PTPRZ1: variants seen among roughly 807,000 people sequenced by gnomAD.
PTPRZ1 encodes the protein protein tyrosine phosphatase receptor type Z1.
PTPRZ1 carries 82 observed loss-of-function variants against 214.1 expected under a neutral mutation model. That is an observed-to-expected ratio of 0.38 (90% CI 0.32 to 0.46). PTPRZ1 has a LOEUF of 0.46. PTPRZ1 is among the 20% of genes least tolerant of loss of function. The pLI, the probability that PTPRZ1 is intolerant of heterozygous loss-of-function variation, is 1.00. For missense variants in PTPRZ1, 2,603 were observed against 2,748.7 expected, an observed-to-expected ratio of 0.95 and a Z score of 1.19; for synonymous variants, 945 against 987.9, an observed-to-expected ratio of 0.96 and a Z score of 0.81.
At chr7:121,883,352 G>C (rs1438807417) in intron 1 of PTPRZ1, among the ~76,000 whole-genome samples, 1 of 152,124 alleles carries the variant, frequency 6.6e-6, no homozygotes, top group African/African-American at 2.4e-5. Context: ...ATGCCAATAT[G>C]AAAACTACTT....
At chr7:122,030,204 A>G (rs1180040257) in intron 14 of PTPRZ1, among the ~76,000 whole-genome samples, 2 of 151,996 alleles carry the variant, frequency 1.3e-5, no homozygotes, top group African/African-American at 2.4e-5. Context: ...TCAGTTCTCA[A>G]AGATTCCCTC....
chr7:121,916,101 C>G (rs1304547604), intron 1 of PTPRZ1, among the ~76,000 whole-genome samples: 1 of 151,772 alleles, frequency 6.6e-6, no homozygotes, highest in African/African-American at 2.4e-5. Flanking sequence ...TGGTAAAACC[C>G]CGTCTCTACT....
chr7:122,036,767 T>C (rs1799555564), intron 18 of PTPRZ1, 85 bp downstream of exon 18: 1 of 828,842 alleles, frequency 1.2e-6, no homozygotes. Context: ...ATACATATAC[T>C]AGTGCTTAAT....
At chr7:121,921,993 T>C (rs747651460) in intron 1 of PTPRZ1, among the ~76,000 whole-genome samples, 1 of 152,180 alleles carries the variant, frequency 6.6e-6, no homozygotes, top group Non-Finnish European at 1.5e-5. Flanking sequence ...TGTATGATAA[T>C]TTAACTTCAC....
chr7:122,031,252 A>G (rs1298104911), intron 14 of PTPRZ1, among the ~76,000 whole-genome samples: 2 of 152,116 alleles, frequency 1.3e-5, no homozygotes, highest in Admixed American at 6.6e-5. Context: ...CTTTAGGTAT[A>G]GATGGAAAAG....
At chr7:121,922,213 T>G (rs1038703760) in intron 1 of PTPRZ1, among the ~76,000 whole-genome samples, 2 of 152,210 alleles carry the variant, frequency 1.3e-5, no homozygotes, top group Non-Finnish European at 2.9e-5. Flanking sequence ...CATCTGAAGA[T>G]ACAAAGTATT....
intron 1 of PTPRZ1, among the ~76,000 whole-genome samples, chr7:121,907,813 T>C (rs1795161652): frequency 2.0e-5 from 3 of 152,192 alleles, no homozygotes; most frequent in Non-Finnish European, 4.4e-5. Context: ...ACCTTTCTTT[T>C]TCAAATGTGT....
At chr7:122,046,886 C>A (rs538451315) in intron 23 of PTPRZ1, among the ~76,000 whole-genome samples, 7 of 151,916 alleles carry the variant, frequency 4.6e-5, no homozygotes, top group African/African-American at 1.7e-4. Flanking sequence ...CTTGAAGCCT[C>A]GGAATTGGAT....
At chr7:121,908,834 T>A in intron 1 of PTPRZ1, 1 of 490,016 alleles carries the variant, frequency 2.0e-6, no homozygotes, top group Non-Finnish European at 4.0e-6. Flanking sequence ...AATGGGAAAG[T>A]CCAAATATAG....
rs1003242180 is a variant in PTPRZ1 at position 122,012,541 on chromosome 7, T to G, written c.3495T>G (p.Thr1165=). Residue 1165 remains threonine, a synonymous_variant, in exon 12 of 30, where the codon ACT becomes ACG. Transcript: ENST00000393386. ...PASSEMLSPS[T]QLLFYETSAS... The stretch of plus-strand genomic sequence containing the variant: ...CTAGTGAAATGTTATCTCCTTCAAC[T>G]CAGCTCTTATTTTATGAGACCTCAG... 6.2e-7 allele frequency: 1 copy of G among 1,614,154 alleles called. No individual in the cohort carries two copies. Among genetic ancestry groups the G allele is most frequent in the Admixed American group, 1.7e-5 (1 of 60,010 alleles).
intron 11 of PTPRZ1, 61 bp downstream of exon 11, chr7:122,004,721 G>C (rs781572840): frequency 1.0e-6 from 1 of 1,000,686 alleles, no homozygotes; most frequent in Non-Finnish European, 1.5e-6. Flanking sequence ...TTGAATTGTT[G>C]CTTGGGTGTT....
chr7:122,038,812 G>A lies in PTPRZ1; in HGVS notation c.5425G>A (p.Glu1809Lys). ...AAQGPLKSTA[E>K]DFWRMIWEHN... ...CCAAGGCCCACTGAAATCCACAGCT[G>A]AAGATTTCTGGAGAATGATATGGGA... The change falls in exon 19 of 30, where the codon GAA (glutamate) becomes AAA (lysine). Residue 1809 changes from glutamate to lysine, a missense_variant. This residue lies in a region of PTPRZ1 where 1,913 missense variants were observed against 1,914.3 expected (regional missense o/e 1.00). Transcript: ENST00000393386. The A allele has an allele frequency of 6.2e-7, 1 of 1,613,800 alleles. No homozygotes were observed. Among genetic ancestry groups the A allele is most frequent in the Non-Finnish European group, 8.5e-7 (1 of 1,179,786 alleles).
Position 121,873,432 on chromosome 7 carries a change from G to A in PTPRZ1, c.-68G>A, listed in dbSNP as rs1010124718. The stretch of plus-strand genomic sequence containing the variant: ...AACAAACAAAAAAAACATTTCCTTC[G>A]CTCCCCCTCCCTCTCCACTCTGAGA... On this transcript the variant is annotated 5_prime_UTR_variant, in exon 1 of 30. Coordinates refer to ENST00000393386, the MANE Select transcript of PTPRZ1 (RefSeq NM_002851.3). 8 of 1,522,282 alleles carry A rather than the reference G, an allele frequency of 5.3e-6. No individual in the cohort carries two copies. The Admixed American group carries it at 7.0e-5, about 13-fold the overall frequency. 94.3% of individuals were successfully genotyped at this position (1,522,282 alleles called of 1,614,324 possible).
At chr7:121,985,998 A>G (rs1797753747) in intron 8 of PTPRZ1, among the ~76,000 whole-genome samples, 1 of 152,252 alleles carries the variant, frequency 6.6e-6, no homozygotes, top group African/African-American at 2.4e-5. Context: ...TCCACATAAT[A>G]AAAACATAGC....
intron 10 of PTPRZ1, among the ~76,000 whole-genome samples, chr7:122,002,403 G>C (rs1402560662): frequency 6.6e-6 from 1 of 152,080 alleles, no homozygotes; most frequent in East Asian, 1.9e-4. Flanking sequence ...GAGCCAAGGA[G>C]GCCCAAAGAA....
chr7:121,990,486 G>C (rs35662069), intron 8 of PTPRZ1, among the ~76,000 whole-genome samples: 52,341 of 148,306 alleles, frequency 0.35, 11,086 homozygotes, highest in Middle Eastern at 0.49. Context: ...GAACCATCTG[G>C]TCCTGAAAGA....
intron 10 of PTPRZ1, among the ~76,000 whole-genome samples, chr7:122,002,331 T>C (rs1400194927): frequency 6.6e-6 from 1 of 152,184 alleles, no homozygotes; most frequent in Non-Finnish European, 1.5e-5. Context: ...GTGCTAACAC[T>C]TGGGGGTGCT....
At chr7:121,946,787 C>T (rs2116441960) in intron 2 of PTPRZ1, among the ~76,000 whole-genome samples, 1 of 152,230 alleles carries the variant, frequency 6.6e-6, no homozygotes, top group African/African-American at 2.4e-5. Flanking sequence ...GTACCACTGA[C>T]TAAGATACAG....
At chr7:122,043,351 A>G (rs1450954782) in intron 22 of PTPRZ1, among the ~76,000 whole-genome samples, 1 of 152,204 alleles carries the variant, frequency 6.6e-6, no homozygotes, top group Non-Finnish European at 1.5e-5. Context: ...GTCCACACAC[A>G]TCCTTGCTAG....
Sources: allele counts gnomAD v4.1 joint callset (sites outside exome capture counted in the v4.1 genomes callset), GRCh38; gene constraint gnomAD v4.1.1; regional missense constraint gnomAD v4.1.1; transcripts MANE v1.5; gene names NCBI Gene and HGNC (gene_info 2026-07-23, HGNC 2026-07-21).